Variants in DCUN1D4 observed in about 807,000 individuals in gnomAD.
The protein encoded by DCUN1D4 is defective in cullin neddylation 1 domain containing 4.
A neutral mutation model predicts 47.9 loss-of-function variants in DCUN1D4; 22 were observed. That is an observed-to-expected ratio of 0.46 (90% CI 0.33 to 0.66). The LOEUF is 0.66. Among genes scored for constraint, DCUN1D4 ranks in the 30% least tolerant of loss-of-function variants. The pLI is 0.02. For missense variants in DCUN1D4, 301 were observed against 340.8 expected, an observed-to-expected ratio of 0.88 and a Z score of 0.92; for synonymous variants, 121 against 112.2, an observed-to-expected ratio of 1.08 and a Z score of -0.50.
chr4:51,866,314 C>T (rs1463173291), intron 3 of DCUN1D4, among the ~76,000 whole-genome samples: 1 of 152,164 alleles, frequency 6.6e-6, no homozygotes, highest in Non-Finnish European at 1.5e-5. Flanking sequence ...TAGGTTCCAT[C>T]CCCCACTAGT....
intron 8 of DCUN1D4, among the ~76,000 whole-genome samples, chr4:51,902,236 A>C (rs147309210): frequency 6.6e-6 from 1 of 152,310 alleles, no homozygotes; most frequent in African/African-American, 2.4e-5. Flanking sequence ...TAAAAGAATG[A>C]ATATTCTGCT....
intron 5 of DCUN1D4, among the ~76,000 whole-genome samples, chr4:51,882,745 C>T (rs535278724): frequency 1.3e-5 from 2 of 151,792 alleles, no homozygotes; most frequent in Admixed American, 1.3e-4. Context: ...CCAGCCTGGG[C>T]GACAGTGCCA....
At chr4:51,865,065 G>A (rs1725690082) in intron 3 of DCUN1D4, 1 of 226,708 alleles carries the variant, frequency 4.4e-6, no homozygotes, top group Admixed American at 4.1e-5. Context: ...TCTTTCCAGT[G>A]GAACCCAAAC....
In DCUN1D4 at chr4:51,861,521, A is replaced by G. The variant is rs1351729060; in HGVS notation, c.26-1916A>G. Among the ~76,000 whole-genome samples, 3 of 152,168 alleles carry G rather than the reference A, an allele frequency of 2.0e-5. No individual in the cohort carries two copies. The East Asian group carries it at 5.8e-4, about 29-fold the overall frequency. ...GGTTTATTTAGATTCTCTTATGGGA[A>G]TTTTGGGAGTTTAATTAACAGCAGG... On this transcript the variant is annotated intron_variant, in intron 1 of 10. Coordinates refer to ENST00000334635, the MANE Select transcript of DCUN1D4 (RefSeq NM_001040402.3).
intron 7 of DCUN1D4, among the ~76,000 whole-genome samples, chr4:51,894,336 A>G (rs1730901851): frequency 6.6e-6 from 1 of 152,172 alleles, no homozygotes; most frequent in South Asian, 2.1e-4. Flanking sequence ...TTTGTAGTTC[A>G]AAAATAGTCC....
intron 1 of DCUN1D4, chr4:51,848,067 A>C: frequency 1.8e-6 from 1 of 552,088 alleles, no homozygotes; most frequent in Non-Finnish European, 2.8e-6. Context: ...TAGAAAAATT[A>C]ATTCTTCCTG....
intron 9 of DCUN1D4, among the ~76,000 whole-genome samples, chr4:51,911,867 C>T (rs1733763746): frequency 6.6e-6 from 1 of 152,066 alleles, no homozygotes; most frequent in Non-Finnish European, 1.5e-5. Flanking sequence ...TCCTCCTTTC[C>T]CTCCTGCCCC....
At chr4:51,899,851 A>G (rs924400319) in intron 8 of DCUN1D4, among the ~76,000 whole-genome samples, 9 of 152,200 alleles carry the variant, frequency 5.9e-5, no homozygotes, top group Non-Finnish European at 1.3e-4. Flanking sequence ...ACTTAAATGT[A>G]TTTTTCTAAT....
chr4:51,887,055 G>C, intron 6 of DCUN1D4: 1 of 452,260 alleles, frequency 2.2e-6, no homozygotes, highest in South Asian at 1.6e-5. Context: ...TAATCATCAA[G>C]AATTTTTCAT....
chr4:51,841,175 C>G (rs754756113), upstream of DCUN1D4, among the ~76,000 whole-genome samples: 1 of 151,668 alleles, frequency 6.6e-6, no homozygotes, highest in African/African-American at 2.4e-5. Context: ...AGAGGTGTCA[C>G]GAAGGAAGCC....
chr4:51,841,686 A>G (rs1721663882), upstream of DCUN1D4, among the ~76,000 whole-genome samples: 1 of 152,128 alleles, frequency 6.6e-6, no homozygotes, highest in Admixed American at 6.5e-5. Context: ...AGATGGAGGG[A>G]GCATTTTACC....
chr4:51,910,193 T>A (rs1733516710), intron 8 of DCUN1D4, among the ~76,000 whole-genome samples: 1 of 152,218 alleles, frequency 6.6e-6, no homozygotes, highest in Non-Finnish European at 1.5e-5. Flanking sequence ...AAGGTATGCT[T>A]ATGGTCCCAG....
chr4:51,872,746 GGCTTTAC>G (rs1241413149), intron 3 of DCUN1D4, among the ~76,000 whole-genome samples: 1 of 152,138 alleles, frequency 6.6e-6, no homozygotes, highest in Non-Finnish European at 1.5e-5. Context: ...ATACTGACTT[GGCTTTAC>G]GTGCTGCTTT....
rs977796753 is a variant in DCUN1D4, at chr4:51,915,399, A to G, written c.*1815A>G. 2 of 152,578 alleles carry G rather than the reference A, an allele frequency of 1.3e-5. No individual in the cohort carries two copies. Among genetic ancestry groups the G allele is most frequent in the African/African-American group, 2.4e-5 (1 of 41,440 alleles). 9.5% of individuals were successfully genotyped at this position (152,578 alleles called of 1,614,324 possible). Reference sequence around the variant, plus strand: ...CTCCTTATTTGTAGATTCACTTTCAACCTTAAAAATTAATACCAGTTTGCA... The same window carrying G: ...CTCCTTATTTGTAGATTCACTTTCAGCCTTAAAAATTAATACCAGTTTGCA... On this transcript the variant is annotated 3_prime_UTR_variant, in exon 11 of 11. Coordinates refer to ENST00000334635, the MANE Select transcript of DCUN1D4 (RefSeq NM_001040402.3).
chr4:51,884,969 T>G (rs1729229391), intron 5 of DCUN1D4: 1 of 152,086 alleles, frequency 6.6e-6, no homozygotes, highest in Non-Finnish European at 1.5e-5. Flanking sequence ...GGTAAGTAGG[T>G]GTTTCTGGAC....
Position 51,847,475 on chromosome 4 carries a change from T to C in DCUN1D4, c.25+4208T>C, listed in dbSNP as rs539722865. ...ACACTGAAATCCTGGACATTTCTTA[T>C]CCTCTTCTTCCCTGGTCAGTGGCAA... is the stretch of plus-strand genomic sequence containing the variant. On this transcript the variant is annotated intron_variant, in intron 1 of 10. Coordinates refer to ENST00000334635, the MANE Select transcript of DCUN1D4 (RefSeq NM_001040402.3). 1.4e-4 allele frequency among the ~76,000 whole-genome samples: 22 copies of C among 152,284 alleles called. No individual in the cohort carries two copies. The East Asian group carries it at 4.2e-3, about 29-fold the overall frequency.
At chr4:51,893,122 C>T (rs765907884) in intron 7 of DCUN1D4, among the ~76,000 whole-genome samples, 1 of 152,146 alleles carries the variant, frequency 6.6e-6, no homozygotes, top group Admixed American at 6.5e-5. Context: ...TAGAGGGGAT[C>T]GGTGATGTGT....
chr4:51,902,886 T>C (rs1270698757), intron 8 of DCUN1D4, among the ~76,000 whole-genome samples: 4 of 152,146 alleles, frequency 2.6e-5, no homozygotes, highest in Non-Finnish European at 5.9e-5. Flanking sequence ...CTCTGGGTGT[T>C]CCAGTATACA....
chr4:51,839,654 G>C (rs1374041074), upstream of DCUN1D4, among the ~76,000 whole-genome samples: 1 of 152,160 alleles, frequency 6.6e-6, no homozygotes, highest in African/African-American at 2.4e-5. Context: ...TATTACTAAA[G>C]GAGTTCTGCC....
Sources: gnomAD v4.1 joint callset for allele counts (sites outside exome capture counted in the v4.1 genomes callset) on GRCh38, gnomAD v4.1.1 for gene constraint, MANE v1.5 for transcripts, NCBI Gene and HGNC (gene_info 2026-07-23, HGNC 2026-07-21) for gene names.